The following HPSE2 variants were observed in gnomAD, a reference collection of about 807,000 sequenced individuals.
The protein encoded by HPSE2 is inactive heparanase-2.
Under a neutral mutation model 60.5 loss-of-function variants are expected in HPSE2, and 38 were observed. That is an observed-to-expected ratio of 0.63 (90% confidence interval 0.48 to 0.82). The LOEUF (loss-of-function observed/expected upper bound fraction) is 0.82. Ranked by LOEUF, HPSE2 falls within the 40% of genes least tolerant of loss-of-function variation. HPSE2 has a pLI of 0.00. For synonymous variants in HPSE2, 295 were observed against 293.2 expected (o/e 1.01, Z -0.06); for missense variants, 713 against 740.4 (o/e 0.96, Z 0.43).
Position 98,925,023 on chromosome 10 carries a change from G to A in HPSE2, c.611-180967C>T, listed in dbSNP as rs115422366. 9.0e-3 allele frequency among the ~76,000 whole-genome samples: 1,371 copies of A among 152,246 alleles called. 12 individuals carry two copies. The highest frequency in any genetic ancestry group is 0.054 in the Middle Eastern group (16 of 294). On this transcript the variant is annotated intron_variant, in intron 3 of 11. Coordinates refer to ENST00000370552, the MANE Select transcript of HPSE2 (RefSeq NM_021828.5). The stretch of plus-strand genomic sequence containing the variant: ...GCAGCACTGAGTTCAATGTAAAGTC[G>A]CCCAGCAGCTGTGCTCTCCCTCCCC...
intron 4 of HPSE2, among the ~76,000 whole-genome samples, chr10:98,742,511 T>C (rs1009638735): frequency 6.6e-6 from 1 of 152,110 alleles, no homozygotes; most frequent in Non-Finnish European, 1.5e-5. Context: ...GAATTCTTGG[T>C]TTGTTCGATT....
At chr10:98,685,217 T>C (rs564868606) in intron 6 of HPSE2, among the ~76,000 whole-genome samples, 5 of 152,318 alleles carry the variant, frequency 3.3e-5, no homozygotes, top group African/African-American at 1.2e-4. Flanking sequence ...CCTGAACACG[T>C]CATCAGGCAA....
At chr10:99,159,254 T>C (rs1343198360) in intron 2 of HPSE2, among the ~76,000 whole-genome samples, 1 of 152,048 alleles carries the variant, frequency 6.6e-6, no homozygotes, top group Non-Finnish European at 1.5e-5. Context: ...TGAAAAACCT[T>C]GAGCTAGGAT....
chr10:99,173,441 C>T (rs1847395235), intron 2 of HPSE2, among the ~76,000 whole-genome samples: 1 of 152,036 alleles, frequency 6.6e-6, no homozygotes, highest in African/African-American at 2.4e-5. Flanking sequence ...CCTTAAGACC[C>T]AAGGTAGACA....
intron 3 of HPSE2, among the ~76,000 whole-genome samples, chr10:98,920,700 T>C (rs1389671781): frequency 1.3e-5 from 2 of 152,194 alleles, no homozygotes; most frequent in African/African-American, 2.4e-5. Flanking sequence ...TATAATTGAA[T>C]TAAATTAAAC....
intron 9 of HPSE2, among the ~76,000 whole-genome samples, chr10:98,545,354 A>T (rs1313638991): frequency 6.6e-6 from 1 of 152,200 alleles, no homozygotes; most frequent in African/African-American, 2.4e-5. Flanking sequence ...ACAACCAAAA[A>T]AGAGAATTTT....
At chr10:98,963,248 A>G (rs1367590044) in intron 3 of HPSE2, among the ~76,000 whole-genome samples, 1 of 152,208 alleles carries the variant, frequency 6.6e-6, no homozygotes, top group Non-Finnish European at 1.5e-5. Flanking sequence ...TCTGATTTTA[A>G]AAGTTCAAAT....
the HPSE2 span, among the ~76,000 whole-genome samples, chr10:99,260,277 C>T: frequency 6.6e-6 from 1 of 151,732 alleles, no homozygotes; most frequent in African/African-American, 2.4e-5. Context: ...AATATACAGC[C>T]TTGTTGCCCA....
At chr10:98,826,646 C>T (rs189190279) in intron 3 of HPSE2, among the ~76,000 whole-genome samples, 3 of 152,198 alleles carry the variant, frequency 2.0e-5, no homozygotes, top group Admixed American at 2.0e-4. Context: ...GCCATCATGC[C>T]ATGAGGAAAA....
intron 3 of HPSE2, among the ~76,000 whole-genome samples, chr10:98,919,485 G>A (rs1954220318): frequency 1.3e-5 from 2 of 152,172 alleles, no homozygotes; most frequent in South Asian, 4.1e-4. Flanking sequence ...TAGAGGTAGG[G>A]AGAAAAGATA....
At chr10:99,184,811 TATATATATAGAGAGAGAGAG>T (rs1294673303) in intron 2 of HPSE2, among the ~76,000 whole-genome samples, 17 of 37,884 alleles carry the variant, frequency 4.5e-4, no homozygotes, top group African/African-American at 9.5e-4. Context: ...TATATATATA[TATATATATAGAGAGAGAGAG>T]AGAGAGAGAG....
At chr10:99,013,401 T>C in intron 3 of HPSE2, 1 of 544,466 alleles carries the variant, frequency 1.8e-6, no homozygotes, top group East Asian at 4.3e-5. Context: ...GTATAGTAAG[T>C]GTTTCAGGAA....
At chr10:98,952,188 T>C (rs895098720) in intron 3 of HPSE2, among the ~76,000 whole-genome samples, 1 of 152,206 alleles carries the variant, frequency 6.6e-6, no homozygotes, top group Non-Finnish European at 1.5e-5. Flanking sequence ...TAAACTCCTT[T>C]TCACAAGTGA....
intron 5 of HPSE2, among the ~76,000 whole-genome samples, chr10:98,701,895 A>G (rs1250652529): frequency 6.6e-6 from 1 of 152,188 alleles, no homozygotes; most frequent in Non-Finnish European, 1.5e-5. Flanking sequence ...AAGAAGCTGC[A>G]TCAACAAGTG....
At chr10:98,656,630 T>A (rs887976689) in intron 6 of HPSE2, among the ~76,000 whole-genome samples, 1 of 152,142 alleles carries the variant, frequency 6.6e-6, no homozygotes, top group African/African-American at 2.4e-5. Flanking sequence ...AAATGATGCT[T>A]CTCATGAAAA....
intron 3 of HPSE2, among the ~76,000 whole-genome samples, chr10:98,925,753 A>ACCTTT (rs1954439136): frequency 6.6e-6 from 1 of 151,950 alleles, no homozygotes; most frequent in Non-Finnish European, 1.5e-5. Context: ...ATTGTGTAAA[A>ACCTTT]CCTTTCTGTC....
chr10:98,538,380 C>T (rs1022652958), intron 9 of HPSE2, among the ~76,000 whole-genome samples: 7 of 152,134 alleles, frequency 4.6e-5, no homozygotes, highest in Non-Finnish European at 8.8e-5. Flanking sequence ...CTGACAATCT[C>T]GAACCTTCCT....
In HPSE2 at chr10:98,923,717, A is replaced by C. The variant is rs149326237; in HGVS notation, c.611-179661T>G. Among the ~76,000 whole-genome samples the C allele has an allele frequency of 2.0e-4, 31 of 152,092 alleles. No individual in the cohort carries two copies. In the East Asian group the frequency reaches 4.5e-3, roughly 22 times the overall value. Reference sequence around the variant, plus strand: ...ATAAATTCTTCAGCATGTCAACTACAGTTTTCAATTCTAGAATTTCTGATT... The same window carrying C: ...ATAAATTCTTCAGCATGTCAACTACCGTTTTCAATTCTAGAATTTCTGATT... On this transcript the variant is annotated intron_variant, in intron 3 of 11. Coordinates refer to ENST00000370552, the MANE Select transcript of HPSE2 (RefSeq NM_021828.5).
chr10:98,753,573 A>G (rs932806431), intron 3 of HPSE2, among the ~76,000 whole-genome samples: 1 of 152,244 alleles, frequency 6.6e-6, no homozygotes, highest in Admixed American at 6.5e-5. Flanking sequence ...ACCCATAAAA[A>G]GGAATGAAGC....
Sources: allele counts gnomAD v4.1 joint callset (sites outside exome capture counted in the v4.1 genomes callset), GRCh38; gene constraint gnomAD v4.1.1; transcripts MANE v1.5; gene names NCBI Gene and HGNC (gene_info 2026-07-23, HGNC 2026-07-21).